Variants in SEC14L2 observed in about 807,000 individuals in gnomAD.
The protein encoded by SEC14L2 is SEC14-like protein 2.
A neutral mutation model predicts 56.9 loss-of-function variants in SEC14L2; 50 were observed. That is an observed-to-expected ratio of 0.88 (90% CI 0.70 to 1.11). SEC14L2 has a LOEUF of 1.11. Among genes scored for constraint, SEC14L2 ranks in the 50% most tolerant of loss-of-function variants. SEC14L2 has a pLI of 0.00. For missense variants in SEC14L2, 414 were observed against 500.7 expected, an observed-to-expected ratio of 0.83 and a Z score of 1.65; for synonymous variants, 179 against 188.5, an observed-to-expected ratio of 0.95 and a Z score of 0.41.
At chr22:30,398,489 A>G (rs1933822845) in intron 1 of SEC14L2, 1 of 354,556 alleles carries the variant, frequency 2.8e-6, no homozygotes, top group African/African-American at 2.1e-5. Flanking sequence ...GGGAGGGCAT[A>G]TAGGGGCCTG....
At chr22:30,418,838 A>G (rs964638511) in intron 11 of SEC14L2, among the ~76,000 whole-genome samples, 2 of 152,250 alleles carry the variant, frequency 1.3e-5, no homozygotes, top group African/African-American at 4.8e-5. Flanking sequence ...CCTGGAAAGC[A>G]GAACAGTCAT....
At chr22:30,412,840 CAAAAAAACAAAA>C (rs1601782215) in intron 8 of SEC14L2, among the ~76,000 whole-genome samples, 4 of 119,232 alleles carry the variant, frequency 3.4e-5, no homozygotes, top group South Asian at 5.5e-4. Flanking sequence ...AAAAAACAAA[CAAAAAAACAAAA>C]AAAAAACAAA....
chr22:30,408,256 G>C (rs1021723039), intron 5 of SEC14L2, among the ~76,000 whole-genome samples: 1 of 152,118 alleles, frequency 6.6e-6, no homozygotes, highest in Non-Finnish European at 1.5e-5. Context: ...GGGTACCACT[G>C]GTGCAAATGA....
intron 1 of SEC14L2, chr22:30,397,497 C>CCTGGGGCAGGGG: frequency 2.6e-6 from 1 of 379,496 alleles, no homozygotes. Context: ...GCAGCCGGGC[C>CCTGGGGCAGGGG]CTGGGGCAGG....
At position 30,423,443 on chromosome 22, in the gene SEC14L2, A is replaced by T. The variant is rs924220086; in HGVS notation, c.*1036A>T. ...AGGGAGTTCAGGTGCCGGTCGGCGTAGCCAGGCCTGGAGGCCCCCCAGGCA... is the reference window on the plus strand; with the variant it reads ...AGGGAGTTCAGGTGCCGGTCGGCGTTGCCAGGCCTGGAGGCCCCCCAGGCA... On this transcript the variant is annotated 3_prime_UTR_variant, in exon 12 of 12. Coordinates refer to ENST00000615189, the MANE Select transcript of SEC14L2 (RefSeq NM_012429.5). 1 of 152,688 alleles carries T rather than the reference A, an allele frequency of 6.5e-6. No individual in the cohort carries two copies. Among genetic ancestry groups the T allele is most frequent in the Non-Finnish European group, 1.5e-5 (1 of 68,126 alleles). The allele number at this position is 152,688 out of a possible 1,614,324, so 9.5% of individuals were successfully genotyped here. A position where few individuals can be genotyped will look rare whatever the true frequency, so the allele number is the denominator to read the frequency against.
chr22:30,407,713 CT>C (rs370128450), intron 5 of SEC14L2, 110 bp downstream of exon 5: 138,763 of 600,446 alleles, frequency 0.23, 126 homozygotes, highest in East Asian at 0.28. Flanking sequence ...AAGGCCCAGC[CT>C]TTTTTTTTTT....
chr22:30,417,352 G>A (rs1486330103), intron 11 of SEC14L2, among the ~76,000 whole-genome samples: 8 of 152,146 alleles, frequency 5.3e-5, no homozygotes, highest in Admixed American at 3.3e-4. Flanking sequence ...TGATGACTAC[G>A]TATTAATATT....
chr22:30,411,606 C>T lies in SEC14L2; in HGVS notation c.664+927C>T, dbSNP rs188804256. On this transcript the variant is annotated intron_variant, in intron 8 of 11. Transcript: ENST00000615189. ...GCTAAAAATAGAAAAATTAGCCAGG[C>T]GTCGTGGTGTGCACCTGTAATCCCA... 1.2e-4 allele frequency among the ~76,000 whole-genome samples: 18 copies of T among 151,828 alleles called. No individual in the cohort carries two copies. In the East Asian group the frequency reaches 3.3e-3, roughly 28 times the overall value.
At chr22:30,414,431 C>T (rs986170884) in intron 8 of SEC14L2, among the ~76,000 whole-genome samples, 3 of 152,080 alleles carry the variant, frequency 2.0e-5, no homozygotes, top group Non-Finnish European at 2.9e-5. Context: ...GAGATTCACT[C>T]GGGCTGGTCA....
chr22:30,409,548 G>C, intron 7 of SEC14L2, 62 bp downstream of exon 7: 1 of 1,449,550 alleles, frequency 6.9e-7, no homozygotes, highest in Non-Finnish European at 9.7e-7. Context: ...ACATGACTGC[G>C]GCAGATGGAG....
rs1934589679 is a variant in SEC14L2 at position 30,423,796 on chromosome 22, C to T, written c.*1389C>T. Reference sequence around the variant, plus strand: ...GACATCCCGGCCTGGGTTTACAACGCTGTTAGGAAAATTAACCAATGAATA... The same window carrying T: ...GACATCCCGGCCTGGGTTTACAACGTTGTTAGGAAAATTAACCAATGAATA... On this transcript the variant is annotated 3_prime_UTR_variant, in exon 12 of 12. Coordinates refer to ENST00000615189, the MANE Select transcript of SEC14L2 (RefSeq NM_012429.5). The T allele has an allele frequency of 6.6e-6, 1 of 152,346 alleles. No homozygotes were observed. The highest frequency in any genetic ancestry group is 1.5e-5 in the Non-Finnish European group (1 of 68,106). The allele number at this position is 152,346 out of a possible 1,614,324, so 9.4% of individuals were successfully genotyped here. A position where few individuals can be genotyped will look rare whatever the true frequency, so the allele number is the denominator to read the frequency against.
intron 3 of SEC14L2, 67 bp from the exon 4 acceptor site, chr22:30,407,028 A>T (rs991397950): frequency 1.5e-4 from 234 of 1,523,158 alleles, no homozygotes; most frequent in Non-Finnish European, 2.0e-4. Context: ...CTGGGATTAC[A>T]GGTGTGAACC....
chr22:30,408,412 C>T (rs1365053254), intron 5 of SEC14L2, among the ~76,000 whole-genome samples: 4 of 151,970 alleles, frequency 2.6e-5, no homozygotes, highest in Non-Finnish European at 1.5e-5. Flanking sequence ...GGCAACATGG[C>T]AAGAGCCTGT....
rs1278723669 is a variant in SEC14L2, at chr22:30,424,746, C to T, written c.*2339C>T. The T allele has an allele frequency of 2.2e-6, 1 of 456,634 alleles. No homozygotes were observed. The highest frequency in any genetic ancestry group is 2.3e-5 in the Admixed American group (1 of 42,574). The allele number at this position is 456,634 out of a possible 1,614,324, so 28.3% of individuals were successfully genotyped here. On this transcript the variant is annotated 3_prime_UTR_variant, in exon 12 of 12. Transcript: ENST00000615189. ...GATTTGAACCCAGGATTGTCTCCAA[C>T]GCCGCTCAATTATACCCGCCAAGGA...
chr22:30,397,742 A>C, intron 1 of SEC14L2: 1 of 411,288 alleles, frequency 2.4e-6, no homozygotes. Flanking sequence ...CCGTGTGTGA[A>C]TTCCAGGCTC....
rs1292555950 is a variant in SEC14L2, at chr22:30,423,749, G to A, written c.*1342G>A. On this transcript the variant is annotated 3_prime_UTR_variant, in exon 12 of 12. Coordinates refer to ENST00000615189, the MANE Select transcript of SEC14L2 (RefSeq NM_012429.5). ...GGACCGGAAGGGGCCGAGGCTGCAC[G>A]GGCCTCTGCCAGAACGCTCAGGACA... 1.3e-5 allele frequency: 2 copies of A among 152,340 alleles called. No individual in the cohort carries two copies. The highest frequency in any genetic ancestry group is 2.9e-5 in the Non-Finnish European group (2 of 68,098). 9.4% of individuals were successfully genotyped at this position (152,340 alleles called of 1,614,324 possible).
rs774666262 is a variant in SEC14L2, at chr22:30,410,708, AAAG to A, written c.664+30_664+32del. 2.5e-6 allele frequency: 4 copies of A among 1,598,802 alleles called. No homozygotes were observed. The East Asian group carries it at 8.9e-5, about 36-fold the overall frequency. ...AGTGGTCCAGACTGTTCTCAACTCCAAAGGAGGGTCTGTAGCCTAAATCGGGTC... is the reference window on the plus strand; with the variant it reads ...AGTGGTCCAGACTGTTCTCAACTCCAGAGGGTCTGTAGCCTAAATCGGGTC... On this transcript the variant is annotated intron_variant, in intron 8 of 11. Coordinates refer to ENST00000615189, the MANE Select transcript of SEC14L2 (RefSeq NM_012429.5).
At chr22:30,419,908 G>A (rs1407550462) in intron 11 of SEC14L2, among the ~76,000 whole-genome samples, 1 of 151,902 alleles carries the variant, frequency 6.6e-6, no homozygotes, top group Non-Finnish European at 1.5e-5. Flanking sequence ...TCTACAGTGG[G>A]CTCCAGGAAA....
Position 30,424,762 on chromosome 22 carries a change from C to G in SEC14L2, c.*2355C>G. ...TGTCTCCAACGCCGCTCAATTATAC[C>G]CGCCAAGGAGTCACAGAGACTTAGT... On this transcript the variant is annotated 3_prime_UTR_variant, in exon 12 of 12. Coordinates refer to ENST00000615189, the MANE Select transcript of SEC14L2 (RefSeq NM_012429.5). 2.2e-6 allele frequency: 1 copy of G among 456,614 alleles called. No individual in the cohort carries two copies. The highest frequency in any genetic ancestry group is 4.4e-6 in the Non-Finnish European group (1 of 226,956). 28.3% of individuals were successfully genotyped at this position (456,614 alleles called of 1,614,324 possible).
Sources: allele counts gnomAD v4.1 joint callset (sites outside exome capture counted in the v4.1 genomes callset), GRCh38; gene constraint gnomAD v4.1.1; transcripts MANE v1.5; gene names NCBI Gene and HGNC (gene_info 2026-07-23, HGNC 2026-07-21).